The following TECRL variants were observed in gnomAD, a reference collection of about 807,000 sequenced individuals.
TECRL encodes the protein trans-2,3-enoyl-CoA reductase-like.
Under a neutral mutation model 52.8 loss-of-function variants are expected in TECRL, and 63 were observed. That is an observed-to-expected ratio of 1.19 (90% CI 0.97 to 1.47). TECRL has a LOEUF of 1.47. Ranked by LOEUF, TECRL falls within the 40% of genes most tolerant of loss-of-function variation. The pLI, the probability that TECRL is intolerant of heterozygous loss-of-function variation, is 0.00. For missense variants in TECRL, 482 were observed against 429.6 expected (o/e 1.12, Z -1.08); for synonymous variants, 164 against 141.9 (o/e 1.16, Z -1.10).
intron 5 of TECRL, among the ~76,000 whole-genome samples, chr4:64,313,227 A>G (rs1717188795): frequency 1.3e-5 from 2 of 152,108 alleles, no homozygotes; most frequent in Admixed American, 1.3e-4. Context: ...TTTAGTATCC[A>G]TATGACCTAA....
intron 3 of TECRL, among the ~76,000 whole-genome samples, chr4:64,327,681 G>T (rs949115166): frequency 6.6e-6 from 1 of 151,930 alleles, no homozygotes; most frequent in Admixed American, 6.6e-5. Context: ...CTCAGAGAAC[G>T]ATTAAATGTT....
At position 64,318,114 on chromosome 4, in the gene TECRL, C is replaced by T. The variant is rs192092039; in HGVS notation, c.436-3351G>A. Among the ~76,000 whole-genome samples the T allele has an allele frequency of 1.4e-3, 218 of 152,084 alleles. 2 individuals are homozygous for T. Among genetic ancestry groups the T allele is most frequent in the Non-Finnish European group, 7.2e-4 (49 of 67,954 alleles). On this transcript the variant is annotated intron_variant, in intron 4 of 11. Coordinates refer to ENST00000381210, the MANE Select transcript of TECRL (RefSeq NM_001010874.5). ...ATATTTGAAAGAAGATAAAAATCAC[C>T]GTAAGTCTCAGCTATCATTAAAATT...
At chr4:64,311,369 T>G (rs1716989458) in intron 5 of TECRL, among the ~76,000 whole-genome samples, 1 of 152,078 alleles carries the variant, frequency 6.6e-6, no homozygotes, top group African/African-American at 2.4e-5. Flanking sequence ...GGGGAAGAGC[T>G]CTCTAGAAAG....
At chr4:64,310,454 G>A (rs927485243) in intron 5 of TECRL, among the ~76,000 whole-genome samples, 1 of 151,978 alleles carries the variant, frequency 6.6e-6, no homozygotes, top group Non-Finnish European at 1.5e-5. Flanking sequence ...TGTTTTGTTT[G>A]TTTTTTCCTA....
At chr4:64,364,296 A>G (rs1309785597) in intron 2 of TECRL, among the ~76,000 whole-genome samples, 1 of 152,030 alleles carries the variant, frequency 6.6e-6, no homozygotes, top group Non-Finnish European at 1.5e-5. Flanking sequence ...CAAAACATCT[A>G]TATTAAGAAG....
intron 8 of TECRL, among the ~76,000 whole-genome samples, chr4:64,297,662 T>C (rs1262369010): frequency 6.6e-6 from 1 of 151,208 alleles, no homozygotes; most frequent in Admixed American, 6.6e-5. Context: ...GCACATATAG[T>C]ACTTATAATA....
rs776798000 is a variant in TECRL, at chr4:64,322,690, G to A, written c.434C>T (p.Thr145Ile). The A allele has an allele frequency of 1.9e-6, 3 of 1,587,850 alleles. No individual in the cohort carries two copies. The highest frequency in any genetic ancestry group is 2.6e-6 in the Non-Finnish European group (3 of 1,166,226). The change falls in exon 4 of 12, where the codon ACA becomes ATA. Residue 145 changes from threonine (T) to isoleucine (I), a missense_variant and splice_region_variant. Physicochemically the swap from Thr to Ile is moderately conservative, Grantham distance 89. Coordinates refer to ENST00000381210, the MANE Select transcript of TECRL (RefSeq NM_001010874.5). ...TDLGQQVSWT[T>I]VFLAEYTGPL... is the part of the protein sequence containing the mutation. The stretch of plus-strand genomic sequence containing the variant: ...ATTACATTTCAAATTAACACTTACT[G>A]TGGTCCAACTGACTTGTTGACCTAG...
At position 64,409,214 on chromosome 4, in the gene TECRL, T is replaced by TA. The variant is rs767096918; in HGVS notation, c.137dup (p.Arg47LysfsTer15). 1.2e-6 allele frequency: 2 copies of TA among 1,613,728 alleles called. No individual in the cohort carries two copies. Among genetic ancestry groups the TA allele is most frequent in the African/African-American group, 2.7e-5 (2 of 74,896 alleles). ...AATGTTTGACTGCTGGAGTTGGTCT[T>TA]AGAGGGCCCGCTGAGAGTACAAGTT... On this transcript the variant is annotated frameshift_variant, in exon 1 of 12. Transcript: ENST00000381210. LOFTEE classifies it high-confidence loss of function.
chr4:64,365,004 C>T (rs887049060), intron 2 of TECRL, among the ~76,000 whole-genome samples: 2 of 151,748 alleles, frequency 1.3e-5, no homozygotes, highest in Admixed American at 6.6e-5. Context: ...TCAAAATTGT[C>T]GACAAAACAG....
chr4:64,335,003 A>T (rs951437574), intron 2 of TECRL, among the ~76,000 whole-genome samples: 1 of 152,194 alleles, frequency 6.6e-6, no homozygotes, highest in Non-Finnish European at 1.5e-5. Flanking sequence ...ACTCAGTGAC[A>T]GTCCTCCCAA....
intron 2 of TECRL, among the ~76,000 whole-genome samples, chr4:64,339,167 G>T (rs1417787498): frequency 1.3e-5 from 2 of 151,436 alleles, no homozygotes; most frequent in Non-Finnish European, 2.9e-5. Context: ...ATCATTCTCA[G>T]CAAACTATCA....
chr4:64,336,382 A>G lies in TECRL; in HGVS notation c.287-7826T>C, dbSNP rs564671655. Among the ~76,000 whole-genome samples the G allele has an allele frequency of 1.5e-3, 225 of 151,764 alleles. 2 individuals are homozygous for G. The highest frequency in any genetic ancestry group is 4.9e-3 in the African/African-American group (204 of 41,340). ...TATCCCCTTTATCATTTTTTATTGC[A>G]TCTATTTGAATCTTCTCTCTTCTTT... On this transcript the variant is annotated intron_variant, in intron 2 of 11. Transcript: ENST00000381210.
At position 64,278,250 on chromosome 4, in the gene TECRL, A is replaced by G. The variant is rs1319054280; in HGVS notation, c.*1822T>C. 6.6e-6 allele frequency: 1 copy of G among 151,978 alleles called. No homozygotes were observed. Among genetic ancestry groups the G allele is most frequent in the Non-Finnish European group, 1.5e-5 (1 of 67,934 alleles). 9.4% of individuals were successfully genotyped at this position (151,978 alleles called of 1,614,324 possible). ...CAGTATGATAACATACAATGTCTGT[A>G]TTATTAACAAATAAGTACACAACTA... On this transcript the variant is annotated 3_prime_UTR_variant, in exon 12 of 12. Transcript: ENST00000381210.
At chr4:64,399,679 T>G (rs1724215609) in intron 1 of TECRL, among the ~76,000 whole-genome samples, 1 of 152,190 alleles carries the variant, frequency 6.6e-6, no homozygotes, top group Admixed American at 6.5e-5. Context: ...CAAAGGGACT[T>G]ATGTACAGCT....
chr4:64,344,326 GTAGA>G (rs1046085102), intron 2 of TECRL, among the ~76,000 whole-genome samples: 19 of 151,838 alleles, frequency 1.3e-4, no homozygotes, highest in South Asian at 4.2e-4. Flanking sequence ...TTGATATATG[GTAGA>G]TAGATAGATA....
At chr4:64,356,843 A>T (rs1273123763) in intron 2 of TECRL, among the ~76,000 whole-genome samples, 1 of 152,130 alleles carries the variant, frequency 6.6e-6, no homozygotes, top group East Asian at 1.9e-4. Flanking sequence ...AATTACCCAC[A>T]GGTGTGGAGG....
chr4:64,289,734 T>C lies in TECRL; in HGVS notation c.808A>G (p.Met270Val). 5 of 1,549,632 alleles carry C rather than the reference T, an allele frequency of 3.2e-6. No homozygotes were observed. Among genetic ancestry groups the C allele is most frequent in the Non-Finnish European group, 4.3e-6 (5 of 1,157,542 alleles). ...CEAGNHFINV[M>V]LSHPNHTGNN... is the part of the protein sequence containing the mutation. ...CCTGTGTGATTGGGATGAGACAACA[T>C]TACATTGATGAAATGATTCCCAGCT... Residue 270 changes from methionine (M) to valine (V), a missense_variant, in exon 9 of 12, where the codon ATG becomes GTG. Met to Val is a conservative substitution (Grantham distance 21). Coordinates refer to ENST00000381210, the MANE Select transcript of TECRL (RefSeq NM_001010874.5).
chr4:64,371,933 AGT>A (rs1722002676), intron 2 of TECRL, among the ~76,000 whole-genome samples: 1 of 151,846 alleles, frequency 6.6e-6, no homozygotes, highest in East Asian at 1.9e-4. Context: ...ATAGAAATAG[AGT>A]GGTATTACTC....
intron 1 of TECRL, among the ~76,000 whole-genome samples, chr4:64,389,778 T>C (rs1034674296): frequency 2.0e-5 from 3 of 151,844 alleles, no homozygotes; most frequent in African/African-American, 7.2e-5. Context: ...TTTAAACAAA[T>C]ATATGCCTAT....
Sources: allele counts gnomAD v4.1 joint callset (sites outside exome capture counted in the v4.1 genomes callset), GRCh38; gene constraint gnomAD v4.1.1; transcripts MANE v1.5; gene names NCBI Gene and HGNC (gene_info 2026-07-23, HGNC 2026-07-21).